ACVR2A: variants seen among roughly 807,000 people sequenced by gnomAD.
ACVR2A encodes the protein activin receptor type-2A.
A neutral mutation model predicts 61.4 loss-of-function variants in ACVR2A; 7 were observed. That is an observed-to-expected ratio of 0.11 (90% CI 0.06 to 0.21). The LOEUF is 0.21. ACVR2A is among the 10% of genes least tolerant of loss of function. The pLI, the probability that ACVR2A is intolerant of heterozygous loss-of-function variation, is 1.00. For synonymous variants in ACVR2A, 193 were observed against 208.3 expected, an observed-to-expected ratio of 0.93 and a Z score of 0.63; for missense variants, 322 against 621.7, an observed-to-expected ratio of 0.52 and a Z score of 5.13.
At chr2:147,892,062 C>T (rs1232998893) in intron 1 of ACVR2A, among the ~76,000 whole-genome samples, 2 of 151,886 alleles carry the variant, frequency 1.3e-5, no homozygotes, top group African/African-American at 4.8e-5. Context: ...ACCTCCACCT[C>T]CTGGGTTCAA....
At chr2:147,920,144 A>G (rs367613736) in intron 7 of ACVR2A, 86 bp from the exon 8 acceptor site, 1 of 839,214 alleles carries the variant, frequency 1.2e-6, no homozygotes, top group African/African-American at 1.7e-5. Flanking sequence ...TTCATAGTGT[A>G]CATATTCCCC....
intron 1 of ACVR2A, among the ~76,000 whole-genome samples, chr2:147,886,050 A>T (rs1178312883): frequency 2.0e-5 from 3 of 152,090 alleles, no homozygotes; most frequent in African/African-American, 7.2e-5. Flanking sequence ...GAACTAATAA[A>T]ATTTTGTATA....
Position 147,928,665 on chromosome 2 carries a change from T to TAACA in ACVR2A, c.*1392_*1395dup, listed in dbSNP as rs757777116. On this transcript the variant is annotated 3_prime_UTR_variant, in exon 11 of 11. Transcript: ENST00000241416. Reference sequence around the variant, plus strand: ...TCCTCCCCAAAATTGCTTTTACAACTAACACTGATACTAATTTAGGATAGT... The same window carrying TAACA: ...TCCTCCCCAAAATTGCTTTTACAACTAACAAACACTGATACTAATTTAGGATAGT... The TAACA allele has an allele frequency of 1.0e-3, 156 of 152,406 alleles. No individual in the cohort carries two copies. Among genetic ancestry groups the TAACA allele is most frequent in the Non-Finnish European group, 1.7e-3 (113 of 67,908 alleles). 9.4% of individuals were successfully genotyped at this position (152,406 alleles called of 1,614,324 possible).
At chr2:147,849,628 T>C (rs1685399741) in intron 1 of ACVR2A, among the ~76,000 whole-genome samples, 1 of 152,202 alleles carries the variant, frequency 6.6e-6, no homozygotes, top group Non-Finnish European at 1.5e-5. Flanking sequence ...TTTTGAACTC[T>C]GGTTTTAAGG....
intron 4 of ACVR2A, among the ~76,000 whole-genome samples, chr2:147,902,412 A>G (rs1486022197): frequency 2.0e-5 from 3 of 151,966 alleles, no homozygotes; most frequent in Admixed American, 6.6e-5. Flanking sequence ...GTTTCATATA[A>G]TTCAGTAAAC....
Position 147,845,166 on chromosome 2 carries a change from C to G in ACVR2A, c.14C>G (p.Ala5Gly). 1 of 1,613,520 alleles carries G rather than the reference C, an allele frequency of 6.2e-7. No homozygotes were observed. The highest frequency in any genetic ancestry group is 8.5e-7 in the Non-Finnish European group (1 of 1,179,914). The change falls in exon 1 of 11, where the codon GCA becomes GGA. Residue 5 changes from alanine to glycine, a missense_variant. Around this residue, in one of 3 missense-constraint regions of ACVR2A, gnomAD observed 142 missense variants for 200.3 expected, o/e 0.71. Coordinates refer to ENST00000241416, the MANE Select transcript of ACVR2A (RefSeq NM_001616.5). ...CGCCTCGGGAAAATGGGAGCTGCTG[C>G]AAAGTTGGCGTTTGCCGTCTTTCTT... MGAA[A>G]KLAFAVFLIS...
chr2:147,892,186 G>A (rs1318251264), intron 1 of ACVR2A, among the ~76,000 whole-genome samples: 1 of 151,952 alleles, frequency 6.6e-6, no homozygotes, highest in African/African-American at 2.4e-5. Flanking sequence ...TGGCCAGGCT[G>A]GTCTCAAACT....
intron 1 of ACVR2A, among the ~76,000 whole-genome samples, chr2:147,873,375 A>T (rs1033614977): frequency 7.2e-5 from 11 of 152,002 alleles, no homozygotes; most frequent in Admixed American, 6.6e-4. Context: ...TGCATAATCA[A>T]TATGAACATG....
chr2:147,845,814 A>G (rs1449992394), intron 1 of ACVR2A, among the ~76,000 whole-genome samples: 4 of 152,202 alleles, frequency 2.6e-5, no homozygotes, highest in African/African-American at 4.8e-5. Context: ...CCCAGTGCAG[A>G]AGAGGTATGC....
intron 1 of ACVR2A, among the ~76,000 whole-genome samples, chr2:147,893,996 A>G (rs1284486555): frequency 6.6e-6 from 1 of 152,092 alleles, no homozygotes; most frequent in Non-Finnish European, 1.5e-5. Flanking sequence ...AGTTTCAGGT[A>G]TTATTTTAGG....
chr2:147,903,950 G>A (rs1034740185), intron 4 of ACVR2A, among the ~76,000 whole-genome samples: 1 of 152,000 alleles, frequency 6.6e-6, no homozygotes, highest in Non-Finnish European at 1.5e-5. Context: ...AGATGATAAT[G>A]AAGTATGTCC....
intron 4 of ACVR2A, chr2:147,900,291 A>G (rs1230598104): frequency 6.3e-6 from 1 of 159,316 alleles, no homozygotes; most frequent in East Asian, 1.9e-4. Flanking sequence ...CCACTTGGCA[A>G]AACATTTTAT....
intron 1 of ACVR2A, among the ~76,000 whole-genome samples, chr2:147,854,422 T>A (rs553254410): frequency 6.6e-6 from 1 of 152,370 alleles, no homozygotes; most frequent in South Asian, 2.1e-4. Flanking sequence ...TTCTCAAGTC[T>A]GTTTTTTAGG....
In ACVR2A at chr2:147,899,529, A is replaced by G. The variant is rs141345586; in HGVS notation, c.335A>G (p.Glu112Gly). The part of the protein sequence containing the change: ...FCCCEGNMCN[E>G]KFSYFPEMEV... ...TGCTGTGAGGGCAATATGTGTAATG[A>G]AAAGTTTTCTTATTTTCCGGAGATG... The change falls in exon 3 of 11, where the codon GAA (glutamate) becomes GGA (glycine). Residue 112 changes from glutamate (E) to glycine (G), a missense_variant. By Grantham distance (98) the Glu-to-Gly change is moderately conservative. Transcript: ENST00000241416. 5 of 1,613,346 alleles carry G rather than the reference A, an allele frequency of 3.1e-6. No individual in the cohort carries two copies. Among genetic ancestry groups the G allele is most frequent in the Non-Finnish European group, 4.2e-6 (5 of 1,179,604 alleles).
In ACVR2A at chr2:147,849,234, T is replaced by G. The variant is rs1685391277; in HGVS notation, c.55+4027T>G. On this transcript the variant is annotated intron_variant, in intron 1 of 10. Transcript: ENST00000241416. ...CAAGTTTAATTATATTTGCTTTAGA[T>G]CCAGGATTTTCTTTGCCATGATATG... Among the ~76,000 whole-genome samples, 11 of 152,182 alleles carry G rather than the reference T, an allele frequency of 7.2e-5. No homozygotes were observed. The South Asian group carries it at 2.3e-3, about 31-fold the overall frequency.
intron 1 of ACVR2A, among the ~76,000 whole-genome samples, chr2:147,853,405 A>T (rs186452740): frequency 1.4e-3 from 220 of 152,200 alleles, no homozygotes; most frequent in Non-Finnish European, 2.6e-3. Flanking sequence ...CATCCAGATT[A>T]TATTCTTTGA....
chr2:147,878,836 C>A (rs1049111234), intron 1 of ACVR2A, among the ~76,000 whole-genome samples: 2 of 151,884 alleles, frequency 1.3e-5, no homozygotes, highest in African/African-American at 4.8e-5. Context: ...TTGAGCCCAG[C>A]AGGTTAAGGC....
Position 147,918,431 on chromosome 2 carries a change from T to C in ACVR2A, c.817-16T>C, listed in dbSNP as rs1687304362. ...TTGTCAAGAACATAAGTTTCTTTTT[T>C]TCCCTCTTTTTTTAGGGTTCACTAT... On this transcript the variant is annotated splice_polypyrimidine_tract_variant and intron_variant, in intron 6 of 10. Coordinates refer to ENST00000241416, the MANE Select transcript of ACVR2A (RefSeq NM_001616.5). 6.3e-7 allele frequency: 1 copy of C among 1,594,710 alleles called. No individual in the cohort carries two copies. Among genetic ancestry groups the C allele is most frequent in the Non-Finnish European group, 8.5e-7 (1 of 1,173,738 alleles).
In ACVR2A at chr2:147,927,217, A is replaced by T; in HGVS notation, c.1485A>T (p.Val495=). The change falls in exon 11 of 11, where the codon GTA becomes GTT. Residue 495 remains valine, a synonymous_variant. Coordinates refer to ENST00000241416, the MANE Select transcript of ACVR2A (RefSeq NM_001616.5). ...ATATTATTACCACAGAGGACATTGT[A>T]ACAGTGGTCACAATGGTGACAAATG... The part of the protein sequence containing the change: ...LTNIITTEDI[V]TVVTMVTNVD... The T allele has an allele frequency of 6.2e-7, 1 of 1,612,144 alleles. No individual in the cohort carries two copies. The highest frequency in any genetic ancestry group is 8.5e-7 in the Non-Finnish European group (1 of 1,178,716).
Sources: allele counts gnomAD v4.1 joint callset (sites outside exome capture counted in the v4.1 genomes callset), GRCh38; gene constraint gnomAD v4.1.1; regional missense constraint gnomAD v4.1.1; transcripts MANE v1.5; gene names NCBI Gene and HGNC (gene_info 2026-07-23, HGNC 2026-07-21).